Variants in ATAD2B observed in about 807,000 individuals in gnomAD.
ATAD2B encodes the protein ATPase family AAA domain-containing protein 2B.
ATAD2B carries 40 observed loss-of-function variants against 167.6 expected under a neutral mutation model. The ratio of observed to expected loss-of-function variants is 0.24; its 90% confidence interval spans 0.19 to 0.31. ATAD2B has a LOEUF of 0.31. Ranked by LOEUF, ATAD2B falls within the 10% of genes least tolerant of loss-of-function variation. The pLI, the probability that ATAD2B is intolerant of heterozygous loss-of-function variation, is 1.00. For missense variants in ATAD2B, 1,242 were observed against 1,757.2 expected, an observed-to-expected ratio of 0.71 and a Z score of 5.24; for synonymous variants, 579 against 596.5, an observed-to-expected ratio of 0.97 and a Z score of 0.43.
At chr2:23,703,223 C>G in the ATAD2B span, 1 of 1,481,360 alleles carries the variant, frequency 6.8e-7, no homozygotes, top group Non-Finnish European at 9.0e-7. Context: ...GGCGGTGGCC[C>G]CTCTGCCCAA....
In ATAD2B at chr2:23,926,597, G is replaced by T; in HGVS notation, c.174C>A (p.Ala58=). The T allele has an allele frequency of 1.3e-6, 2 of 1,562,218 alleles. No individual in the cohort carries two copies. Among genetic ancestry groups the T allele is most frequent in the Non-Finnish European group, 1.7e-6 (2 of 1,154,942 alleles). The change falls in exon 1 of 28, where the codon GCC becomes GCA. Residue 58 remains alanine (A), a synonymous_variant. Coordinates refer to ENST00000238789, the MANE Select transcript of ATAD2B (RefSeq NM_017552.4). ...TRAASCPAAK[A]GGSGGAGVTL... The stretch of plus-strand genomic sequence containing the variant: ...TGACGCCGGCGCCACCGCTTCCCCC[G>T]GCTTTGGCGGCGGGGCAGCTGGCGG...
chr2:23,920,207 C>A (rs1252097536), intron 1 of ATAD2B, among the ~76,000 whole-genome samples: 2 of 151,938 alleles, frequency 1.3e-5, no homozygotes, highest in African/African-American at 4.8e-5. Context: ...GTTCTAGGCA[C>A]TCAGGATACA....
chr2:23,826,335 T>A lies in ATAD2B; in HGVS notation c.1819+2514A>T, dbSNP rs1688249803. Among the ~76,000 whole-genome samples the A allele has an allele frequency of 2.6e-5, 4 of 152,338 alleles. No individual in the cohort carries two copies. The South Asian group carries it at 8.3e-4, about 32-fold the overall frequency. On this transcript the variant is annotated intron_variant, in intron 15 of 27. Transcript: ENST00000238789. ...GGTTAGGCCTCTTGTCCTGTCATAA[T>A]AGCACATCTTTTCACTCTCAAAGCG...
chr2:23,753,527 C>T (rs547394759), intron 27 of ATAD2B, among the ~76,000 whole-genome samples: 2 of 152,134 alleles, frequency 1.3e-5, no homozygotes, highest in African/African-American at 4.8e-5. Flanking sequence ...CCTGAAAAGG[C>T]AGAAGTGTGG....
chr2:23,885,564 A>G (rs538413246), intron 5 of ATAD2B, among the ~76,000 whole-genome samples, 163 bp downstream of exon 5: 2 of 152,358 alleles, frequency 1.3e-5, no homozygotes, highest in South Asian at 2.1e-4. Flanking sequence ...GAGGAGAATG[A>G]AGAAAAGAAA....
intron 12 of ATAD2B, among the ~76,000 whole-genome samples, chr2:23,859,821 G>A (rs1043919843): frequency 3.3e-5 from 5 of 151,648 alleles, no homozygotes; most frequent in Admixed American, 6.6e-5. Context: ...GGCGGGGGGG[G>A]CACCTGTAAT....
chr2:23,907,124 C>G (rs897475707), intron 1 of ATAD2B, among the ~76,000 whole-genome samples: 33 of 151,122 alleles, frequency 2.2e-4, no homozygotes, highest in African/African-American at 6.8e-4. Context: ...CCAGGGCAAT[C>G]AGGCAGGAGA....
At chr2:23,865,969 T>C (rs966624263) in intron 10 of ATAD2B, 22 of 961,522 alleles carry the variant, frequency 2.3e-5, no homozygotes, top group South Asian at 9.6e-5. Context: ...CATTCTGTTA[T>C]GGTACTTGAA....
chr2:23,797,857 T>C (rs908792876), intron 19 of ATAD2B, among the ~76,000 whole-genome samples: 2 of 152,186 alleles, frequency 1.3e-5, no homozygotes, highest in Admixed American at 6.5e-5. Context: ...AGGTTTTGAA[T>C]TTTTGAATTA....
intron 10 of ATAD2B, among the ~76,000 whole-genome samples, chr2:23,865,266 C>T (rs567941295): frequency 6.6e-6 from 1 of 152,230 alleles, no homozygotes; most frequent in Admixed American, 6.5e-5. Context: ...CAGTGGCTCA[C>T]ACTTGTAATC....
intron 1 of ATAD2B, among the ~76,000 whole-genome samples, chr2:23,898,168 C>G (rs1275650280): frequency 1.3e-5 from 2 of 152,124 alleles, no homozygotes; most frequent in East Asian, 3.9e-4. Context: ...GTTTCAAACT[C>G]CTGGCCTCAA....
chr2:23,691,873 C>G, the ATAD2B span: 1 of 1,549,042 alleles, frequency 6.5e-7, no homozygotes, highest in Non-Finnish European at 8.7e-7. Context: ...CGTGTCCTTT[C>G]TCGGTGAGCC....
chr2:23,747,328 A>ATG (rs1378482638), downstream of ATAD2B, among the ~76,000 whole-genome samples: 1 of 151,204 alleles, frequency 6.6e-6, no homozygotes, highest in Non-Finnish European at 1.5e-5. Flanking sequence ...ATATATATAT[A>ATG]TTACACATAC....
the ATAD2B span, among the ~76,000 whole-genome samples, chr2:23,729,865 A>G: frequency 1.5e-4 from 23 of 152,254 alleles, no homozygotes. Flanking sequence ...TCCAAAATGT[A>G]ATACAACTAA....
chr2:23,739,061 T>A, the ATAD2B span, among the ~76,000 whole-genome samples: 4 of 152,144 alleles, frequency 2.6e-5, no homozygotes, highest in Non-Finnish European at 4.4e-5. Flanking sequence ...AAGTCCTTAA[T>A]GACCTACAAA....
chr2:23,824,392 T>C (rs1014373054), intron 15 of ATAD2B, among the ~76,000 whole-genome samples: 1 of 152,228 alleles, frequency 6.6e-6, no homozygotes. Context: ...CTTTCTCTAA[T>C]ATTATTAACT....
intron 1 of ATAD2B, among the ~76,000 whole-genome samples, chr2:23,921,205 C>CGA (rs560022881): frequency 6.5e-4 from 21 of 32,288 alleles, no homozygotes; most frequent in Admixed American, 1.7e-3. Context: ...GACTCCATCT[C>CGA]AAAAAAAAAA....
chr2:23,762,594 T>C (rs1267218572), intron 23 of ATAD2B, among the ~76,000 whole-genome samples: 1 of 152,186 alleles, frequency 6.6e-6, no homozygotes, highest in Admixed American at 6.5e-5. Flanking sequence ...CCTATTTTTA[T>C]TCATTTTAAT....
the ATAD2B span, chr2:23,693,400 A>G: frequency 6.4e-7 from 1 of 1,551,676 alleles, no homozygotes; most frequent in Non-Finnish European, 8.7e-7. Context: ...CCAGGAGGAG[A>G]TCCTCAGCAT....
Sources: allele counts gnomAD v4.1 joint callset (sites outside exome capture counted in the v4.1 genomes callset), GRCh38; gene constraint gnomAD v4.1.1; transcripts MANE v1.5; gene names NCBI Gene and HGNC (gene_info 2026-07-23, HGNC 2026-07-21).